COA1: variants seen among roughly 807,000 people sequenced by gnomAD.
COA1 encodes the protein cytochrome c oxidase assembly factor 1, also known as cytochrome c oxidase assembly factor 1 homolog.
COA1 carries 13 observed loss-of-function variants against 16.0 expected under a neutral mutation model. The observed-to-expected ratio is 0.81, with a 90% CI of 0.53 to 1.29. The LOEUF (loss-of-function observed/expected upper bound fraction) is 1.29, where lower values mean the gene tolerates loss of function less well. Ranked by LOEUF, COA1 falls within the 50% of genes most tolerant of loss-of-function variation. The pLI, the probability that COA1 is intolerant of heterozygous loss-of-function variation, is 0.00. For synonymous variants in COA1, 65 were observed against 65.7 expected (o/e 0.99, Z 0.05); for missense variants, 179 against 177.0 (o/e 1.01, Z -0.06).
chr7:43,670,464 A>AT (rs1391675018), intron 1 of COA1, among the ~76,000 whole-genome samples: 4 of 152,032 alleles, frequency 2.6e-5, no homozygotes, highest in African/African-American at 4.8e-5. Context: ...AAAAAAAAAA[A>AT]TTTTCATCAT....
rs151082085 is a variant in COA1, at chr7:43,729,479, G to C, written c.-89C>G. On this transcript the variant is annotated 5_prime_UTR_variant, in exon 1 of 6. Transcript: ENST00000223336. Reference sequence around the variant, plus strand: ...ACAAAGAGCATGACGAGTTCTTCCAGGCTTGGGAAAGCACGGGTAAATGCC... The same window carrying C: ...ACAAAGAGCATGACGAGTTCTTCCACGCTTGGGAAAGCACGGGTAAATGCC... 1 of 152,330 alleles carries C rather than the reference G, an allele frequency of 6.6e-6. No individual in the cohort carries two copies. Among genetic ancestry groups the C allele is most frequent in the South Asian group, 2.1e-4 (1 of 4,838 alleles). The allele number at this position is 152,330 out of a possible 1,614,324, so 9.4% of individuals were successfully genotyped here. A position where few individuals can be genotyped will look rare whatever the true frequency, so the allele number is the denominator to read the frequency against.
At chr7:43,687,434 G>A (rs2094089413) in intron 1 of COA1, among the ~76,000 whole-genome samples, 1 of 151,970 alleles carries the variant, frequency 6.6e-6, no homozygotes, top group Admixed American at 6.5e-5. Flanking sequence ...AAGATCAGAG[G>A]GAGAGAGTAA....
chr7:43,720,624 G>A (rs752413398), intron 1 of COA1, among the ~76,000 whole-genome samples: 4 of 152,262 alleles, frequency 2.6e-5, no homozygotes, highest in Admixed American at 6.5e-5. Flanking sequence ...TCTGTGCAAC[G>A]AGAGAGGTAA....
At chr7:43,644,405 A>C (rs1489563596) in intron 4 of COA1, among the ~76,000 whole-genome samples, 1 of 152,336 alleles carries the variant, frequency 6.6e-6, no homozygotes. Flanking sequence ...CAAAAAGATA[A>C]GTTATAGCTA....
intron 6 of COA1, among the ~76,000 whole-genome samples, chr7:43,615,568 T>G (rs1423604711): frequency 6.6e-6 from 1 of 152,096 alleles, no homozygotes; most frequent in Non-Finnish European, 1.5e-5. Context: ...TACATAGGTG[T>G]TTTTTTCGTG....
chr7:43,610,820 A>C (rs1277614419), intron 6 of COA1, among the ~76,000 whole-genome samples: 1 of 151,892 alleles, frequency 6.6e-6, no homozygotes, highest in Non-Finnish European at 1.5e-5. Flanking sequence ...GCGCACTCTC[A>C]AGAAGGAGTG....
chr7:43,645,335 T>C lies in COA1; in HGVS notation c.180A>G (p.Ala60=), dbSNP rs937303025. 1.2e-6 allele frequency: 2 copies of C among 1,613,736 alleles called. No homozygotes were observed. The highest frequency in any genetic ancestry group is 1.7e-6 in the Non-Finnish European group (2 of 1,179,746). ...TGAGAGGAGGGCCCAGAGCTTCCTG[T>C]GCCTCGGGATGGCTCTGCAGCTGCT... ...AVEQLQSHPE[A]QEALGPPLNI... is the part of the protein sequence containing the mutation. Residue 60 remains alanine (A), a synonymous_variant, in exon 4 of 6, where the codon GCA becomes GCG. Coordinates refer to ENST00000223336, the MANE Select transcript of COA1 (RefSeq NM_018224.4).
intron 6 of COA1, chr7:43,625,054 A>G (rs1040700369): frequency 2.1e-5 from 8 of 377,710 alleles, no homozygotes; most frequent in Admixed American, 8.7e-5. Flanking sequence ...ACCCGTTTCA[A>G]TGTTATTTTT....
At chr7:43,668,543 C>T (rs1166194314) in intron 1 of COA1, among the ~76,000 whole-genome samples, 2 of 152,208 alleles carry the variant, frequency 1.3e-5, no homozygotes, top group African/African-American at 4.8e-5. Context: ...GCTTATCATA[C>T]ATTTGTCATT....
At chr7:43,694,701 G>A (rs1156722895) in intron 1 of COA1, among the ~76,000 whole-genome samples, 1 of 152,074 alleles carries the variant, frequency 6.6e-6, no homozygotes, top group African/African-American at 2.4e-5. Context: ...GCTCACTCTG[G>A]ACTTTCTCTT....
At chr7:43,682,695 C>T (rs2093823009) in intron 1 of COA1, among the ~76,000 whole-genome samples, 1 of 151,902 alleles carries the variant, frequency 6.6e-6, no homozygotes, top group Non-Finnish European at 1.5e-5. Flanking sequence ...ATCGAGTAAA[C>T]ACAGAATTTG....
chr7:43,639,620 G>C lies in COA1; in HGVS notation c.403C>G (p.Leu135Val). Residue 135 changes from leucine (L) to valine (V), a missense_variant, in exon 6 of 6, where the codon CTC (leucine) becomes GTC (valine). Leu to Val is a conservative substitution (Grantham distance 32). Transcript: ENST00000223336. ...KDGQQIPVFK[L>V]SGENGDEVKK... is the part of the protein sequence containing the mutation. Reference sequence around the variant, plus strand: ...ACTTCATCACCGTTTTCCCCACTGAGCTTGAACACAGGAATCTGCTGACCA... The same window carrying C: ...ACTTCATCACCGTTTTCCCCACTGACCTTGAACACAGGAATCTGCTGACCA... 6.2e-7 allele frequency: 1 copy of C among 1,614,012 alleles called. No homozygotes were observed. Among genetic ancestry groups the C allele is most frequent in the Admixed American group, 1.7e-5 (1 of 60,016 alleles).
At chr7:43,641,404 A>C (rs2087060497) in intron 4 of COA1, 1 of 152,134 alleles carries the variant, frequency 6.6e-6, no homozygotes, top group African/African-American at 2.4e-5. Context: ...TTTGAAAATT[A>C]CTTTGTAATC....
chr7:43,670,136 C>T (rs10231164), intron 1 of COA1, among the ~76,000 whole-genome samples: 22,338 of 152,012 alleles, frequency 0.15, 2,185 homozygotes, highest in Non-Finnish European at 0.21. Flanking sequence ...AAGGTTTATG[C>T]ATATATTAAT....
At chr7:43,643,021 T>C (rs1418834387) in intron 4 of COA1, among the ~76,000 whole-genome samples, 2 of 152,186 alleles carry the variant, frequency 1.3e-5, no homozygotes, top group African/African-American at 2.4e-5. Flanking sequence ...CAGGTGGCCA[T>C]GATGCAGCAG....
chr7:43,653,459 A>G (rs1383870846), intron 1 of COA1, among the ~76,000 whole-genome samples: 1 of 152,240 alleles, frequency 6.6e-6, no homozygotes, highest in East Asian at 1.9e-4. Flanking sequence ...AGTAAACATG[A>G]TAAAAGTTTT....
chr7:43,718,899 G>A (rs1213062817), intron 1 of COA1, among the ~76,000 whole-genome samples: 1 of 151,780 alleles, frequency 6.6e-6, no homozygotes, highest in African/African-American at 2.4e-5. Flanking sequence ...TGTCCATTGG[G>A]TTTTTACTGC....
chr7:43,619,056 A>G (rs759685693), intron 6 of COA1, among the ~76,000 whole-genome samples: 1 of 152,194 alleles, frequency 6.6e-6, no homozygotes, highest in Non-Finnish European at 1.5e-5. Flanking sequence ...ATGGGGAGGA[A>G]TTTCAACAAT....
chr7:43,617,547 C>A (rs901118325), intron 6 of COA1, among the ~76,000 whole-genome samples: 6 of 152,010 alleles, frequency 3.9e-5, no homozygotes, highest in African/African-American at 1.5e-4. Context: ...GAGGGATGAT[C>A]ATAGCATTCA....
Sources: allele counts gnomAD v4.1 joint callset (sites outside exome capture counted in the v4.1 genomes callset), GRCh38; gene constraint gnomAD v4.1.1; transcripts MANE v1.5; gene names NCBI Gene and HGNC (gene_info 2026-07-23, HGNC 2026-07-21).